PDE4D: variants seen among roughly 807,000 people sequenced by gnomAD.
PDE4D encodes the protein phosphodiesterase 4D.
A neutral mutation model predicts 87.4 loss-of-function variants in PDE4D; 24 were observed. That is an observed-to-expected ratio of 0.27 (90% CI 0.20 to 0.39). The LOEUF is 0.39. Among genes scored for constraint, PDE4D ranks in the 10% least tolerant of loss-of-function variants. The pLI, the probability that PDE4D is intolerant of heterozygous loss-of-function variation, is 1.00. For synonymous variants in PDE4D, 384 were observed against 383.2 expected (o/e 1.00, Z -0.02); for missense variants, 714 against 1,041.0 (o/e 0.69, Z 4.32).
chr5:59,662,988 C>G, intron 1 of PDE4D, among the ~76,000 whole-genome samples: 1 of 152,252 alleles, frequency 6.6e-6, no homozygotes, highest in Middle Eastern at 3.4e-3. Flanking sequence ...TATTATTCCA[C>G]TTTAAATATA....
At chr5:59,395,584 A>G (rs1223655940) in intron 1 of PDE4D, among the ~76,000 whole-genome samples, 3 of 150,054 alleles carry the variant, frequency 2.0e-5, no homozygotes, top group Non-Finnish European at 3.0e-5. Flanking sequence ...CCATCTGTAC[A>G]TCACCATCAT....
chr5:60,230,511 G>A (rs1460193054), intron 1 of PDE4D, among the ~76,000 whole-genome samples: 1 of 152,102 alleles, frequency 6.6e-6, no homozygotes, highest in Admixed American at 6.6e-5. Context: ...GCCACTAGAA[G>A]AGGGACTTTC....
intron 1 of PDE4D, among the ~76,000 whole-genome samples, chr5:59,818,928 A>T (rs1215999691): frequency 2.0e-5 from 3 of 151,862 alleles, no homozygotes; most frequent in Non-Finnish European, 4.4e-5. Context: ...TTGAAAAGAA[A>T]GAGATAAATA....
chr5:60,089,502 T>C (rs909605552), intron 2 of PDE4D, among the ~76,000 whole-genome samples: 1 of 151,654 alleles, frequency 6.6e-6, no homozygotes, highest in African/African-American at 2.4e-5. Context: ...CAGATGAAAA[T>C]GGAAATACAG....
chr5:60,028,118 G>T (rs569552190), intron 2 of PDE4D, among the ~76,000 whole-genome samples: 1 of 152,084 alleles, frequency 6.6e-6, no homozygotes, highest in South Asian at 2.1e-4. Context: ...GACTCTATTT[G>T]CCCAAATACA....
intron 1 of PDE4D, among the ~76,000 whole-genome samples, chr5:59,318,963 G>T (rs1486990783): frequency 6.6e-6 from 1 of 151,924 alleles, no homozygotes; most frequent in Non-Finnish European, 1.5e-5. Context: ...TCTGTTCATT[G>T]CAGGCAGTCT....
intron 5 of PDE4D, among the ~76,000 whole-genome samples, chr5:59,097,243 T>C (rs1769898417): frequency 6.6e-6 from 1 of 152,172 alleles, no homozygotes; most frequent in Non-Finnish European, 1.5e-5. Flanking sequence ...AAAACACAAC[T>C]TTACAAGACT....
intron 1 of PDE4D, among the ~76,000 whole-genome samples, chr5:59,492,805 G>A (rs549934958): frequency 4.6e-5 from 7 of 152,194 alleles, no homozygotes; most frequent in South Asian, 2.1e-4. Context: ...GGTCTTTCTC[G>A]TGCTGTTCTC....
chr5:59,771,546 G>GAAAGAAAGAAAGAAAGAAAGA (rs1193470474), intron 1 of PDE4D, among the ~76,000 whole-genome samples: 8 of 149,094 alleles, frequency 5.4e-5, no homozygotes, highest in Admixed American at 3.3e-4. Flanking sequence ...AAGAAAGAAA[G>GAAAGAAAGAAAGAAAGAAAGA]AAAGAAAAGA....
In PDE4D at chr5:59,158,232, A is replaced by G. The variant is rs148364908; in HGVS notation, c.808+22363T>C. Among the ~76,000 whole-genome samples the G allele has an allele frequency of 9.5e-3, 1,440 of 152,306 alleles. 16 individuals carry two copies. The highest frequency in any genetic ancestry group is 0.037 in the Middle Eastern group (11 of 294). On this transcript the variant is annotated intron_variant, in intron 5 of 14. Transcript: ENST00000340635. ...TCTGCCAGTTTCAAGGTTGGCTTCC[A>G]TATTTTAGCAAGCAAAATAATAGGC...
At chr5:59,099,057 T>C (rs889532701) in intron 5 of PDE4D, among the ~76,000 whole-genome samples, 6 of 152,320 alleles carry the variant, frequency 3.9e-5, no homozygotes, top group Non-Finnish European at 8.8e-5. Flanking sequence ...CCCAATATAA[T>C]TAAGATTCAG....
chr5:59,995,159 A>ACCC (rs1763402615), intron 2 of PDE4D, among the ~76,000 whole-genome samples: 1 of 152,044 alleles, frequency 6.6e-6, no homozygotes, highest in Non-Finnish European at 1.5e-5. Context: ...GATGTAGATC[A>ACCC]CCCCATAAAT....
intron 5 of PDE4D, among the ~76,000 whole-genome samples, chr5:59,040,366 C>T (rs55970459): frequency 6.6e-6 from 1 of 152,030 alleles, no homozygotes; most frequent in Non-Finnish European, 1.5e-5. Context: ...CTTAAAGGAA[C>T]AGCAATGTGA....
At chr5:60,236,485 G>A (rs1173742785) in intron 1 of PDE4D, among the ~76,000 whole-genome samples, 1 of 151,868 alleles carries the variant, frequency 6.6e-6, no homozygotes, top group East Asian at 1.9e-4. Context: ...ATAAGCACAT[G>A]AAAAGATGTT....
intron 2 of PDE4D, among the ~76,000 whole-genome samples, chr5:60,158,248 G>A (rs1316520470): frequency 6.6e-6 from 1 of 152,100 alleles, no homozygotes; most frequent in East Asian, 1.9e-4. Context: ...CACACACCTA[G>A]ACTATATTGT....
chr5:60,027,037 C>A (rs1182437036), intron 2 of PDE4D, among the ~76,000 whole-genome samples: 1 of 151,988 alleles, frequency 6.6e-6, no homozygotes, highest in Non-Finnish European at 1.5e-5. Context: ...TTAGTCATAC[C>A]CTCTCATTCC....
intron 1 of PDE4D, among the ~76,000 whole-genome samples, chr5:59,712,041 G>A (rs1371569249): frequency 6.6e-6 from 1 of 151,980 alleles, no homozygotes; most frequent in East Asian, 1.9e-4. Context: ...TCCCCAGTGA[G>A]TTTTAATTTG....
intron 2 of PDE4D, among the ~76,000 whole-genome samples, chr5:60,097,558 G>A (rs1775803058): frequency 6.6e-6 from 1 of 151,984 alleles, no homozygotes; most frequent in Admixed American, 6.6e-5. Context: ...TTTGGGCATA[G>A]GATATTCTCT....
At chr5:59,885,875 A>G (rs1271522704) in intron 1 of PDE4D, among the ~76,000 whole-genome samples, 1 of 152,198 alleles carries the variant, frequency 6.6e-6, no homozygotes, top group Non-Finnish European at 1.5e-5. Flanking sequence ...ATTACATTAC[A>G]ATAAAAAAGA....
Sources: gnomAD v4.1 joint callset for allele counts (sites outside exome capture counted in the v4.1 genomes callset) on GRCh38, gnomAD v4.1.1 for gene constraint, MANE v1.5 for transcripts, NCBI Gene and HGNC (gene_info 2026-07-23, HGNC 2026-07-21) for gene names.